SLC2A12: variants seen among roughly 807,000 people sequenced by gnomAD.
SLC2A12 encodes the protein solute carrier family 2 member 12.
In SLC2A12, 23 loss-of-function variants were observed where a neutral mutation model predicts 41.8. That is an observed-to-expected ratio of 0.55 (90% CI 0.40 to 0.78). SLC2A12 has a LOEUF of 0.78. Among genes scored for constraint, SLC2A12 ranks in the 30% least tolerant of loss-of-function variants. The probability of loss-of-function intolerance (pLI) is 0.00; values close to 1 mark genes in which losing one functional copy is unlikely to be tolerated. For missense variants in SLC2A12, 654 were observed against 745.6 expected (o/e 0.88, Z 1.43); for synonymous variants, 295 against 285.9 (o/e 1.03, Z -0.32).
In SLC2A12 at chr6:133,990,824, C is replaced by T. The variant is rs1036953213; in HGVS notation, c.*331G>A. On this transcript the variant is annotated 3_prime_UTR_variant, in exon 5 of 5. Coordinates refer to ENST00000275230, the MANE Select transcript of SLC2A12 (RefSeq NM_145176.3). ...GCCTCCATACATACATAGCTTAAGG[C>T]GGAGGTTGATGTCTTCACTAGGACA... 1.9e-4 allele frequency: 36 copies of T among 189,406 alleles called. No individual in the cohort carries two copies. Among genetic ancestry groups the T allele is most frequent in the African/African-American group, 7.0e-4 (30 of 42,908 alleles). The allele number at this position is 189,406 out of a possible 1,614,324, so 11.7% of individuals were successfully genotyped here.
intron 1 of SLC2A12, among the ~76,000 whole-genome samples, chr6:134,049,646 A>C (rs1447256150): frequency 1.3e-5 from 2 of 150,884 alleles, no homozygotes; most frequent in Non-Finnish European, 1.5e-5. Flanking sequence ...GAACATGTCC[A>C]TGAAAGCTGA....
chr6:134,007,159 G>A (rs1356491583), intron 2 of SLC2A12, among the ~76,000 whole-genome samples: 1 of 152,226 alleles, frequency 6.6e-6, no homozygotes, highest in East Asian at 1.9e-4. Context: ...GCTGGGCCAT[G>A]GTCCCCATGC....
In SLC2A12 at chr6:134,007,170, A is replaced by G. The variant is rs111835168; in HGVS notation, c.1445-236T>C. On this transcript the variant is annotated intron_variant, in intron 2 of 4. Transcript: ENST00000275230. ...GAGAGCTGGGCCATGGTCCCCATGC[A>G]TAGGGTGAGGGGCATGAGGTGCTGG... 7.1e-3 allele frequency among the ~76,000 whole-genome samples: 1,087 copies of G among 152,360 alleles called. 17 individuals carry two copies. Among genetic ancestry groups the G allele is most frequent in the African/African-American group, 0.023 (967 of 41,588 alleles).
chr6:134,038,163 C>T (rs529709565), intron 1 of SLC2A12, among the ~76,000 whole-genome samples: 4 of 152,106 alleles, frequency 2.6e-5, no homozygotes, highest in Middle Eastern at 3.4e-3. Context: ...TTTCCAACCC[C>T]GGGTTTGATT....
At chr6:134,025,721 T>TA (rs897376176) in intron 2 of SLC2A12, among the ~76,000 whole-genome samples, 5 of 152,182 alleles carry the variant, frequency 3.3e-5, no homozygotes. Context: ...GTTTTTTGTA[T>TA]TTTTAGTAGA....
At chr6:134,007,032 C>G in intron 2 of SLC2A12, 98 bp from the exon 3 acceptor site, 1 of 1,528,406 alleles carries the variant, frequency 6.5e-7, no homozygotes, top group Non-Finnish European at 8.8e-7. Context: ...CCTCATCCTG[C>G]CGGGATTTGT....
chr6:134,022,536 AAG>A (rs1320057540), intron 2 of SLC2A12, among the ~76,000 whole-genome samples: 1 of 9,046 alleles, frequency 1.1e-4, no homozygotes, highest in African/African-American at 9.8e-4. Flanking sequence ...CATCTCAAAA[AAG>A]AAAAGAAAAG....
At chr6:134,027,523 A>G (rs1276390470) in intron 2 of SLC2A12, among the ~76,000 whole-genome samples, 3 of 151,910 alleles carry the variant, frequency 2.0e-5, no homozygotes, top group Non-Finnish European at 4.4e-5. Flanking sequence ...GAGAGAGAGG[A>G]ATGGGGTAGG....
chr6:134,024,693 T>G (rs1222294068), intron 2 of SLC2A12, among the ~76,000 whole-genome samples: 2 of 152,328 alleles, frequency 1.3e-5, no homozygotes. Flanking sequence ...TAAATGCATC[T>G]TAATATGCGT....
chr6:134,006,237 A>G (rs895267364), intron 3 of SLC2A12, among the ~76,000 whole-genome samples: 2 of 151,418 alleles, frequency 1.3e-5, no homozygotes, highest in African/African-American at 4.8e-5. Context: ...TGACATGACT[A>G]TAATCAACAA....
At chr6:134,043,813 A>G (rs2114507018) in intron 1 of SLC2A12, among the ~76,000 whole-genome samples, 1 of 151,946 alleles carries the variant, frequency 6.6e-6, no homozygotes, top group South Asian at 2.1e-4. Context: ...AAAAAAGAAA[A>G]GAAATTTTCT....
At chr6:134,029,897 T>C (rs1777178345) in intron 1 of SLC2A12, among the ~76,000 whole-genome samples, 176 bp from the exon 2 acceptor site, 1 of 152,104 alleles carries the variant, frequency 6.6e-6, no homozygotes, top group Non-Finnish European at 1.5e-5. Flanking sequence ...GAAGGAGAAA[T>C]CATTTTTCTT....
chr6:134,028,713 T>C lies in SLC2A12; in HGVS notation c.1112A>G (p.Asn371Ser). 1.9e-6 allele frequency: 3 copies of C among 1,614,126 alleles called. No individual in the cohort carries two copies. Among genetic ancestry groups the C allele is most frequent in the Non-Finnish European group, 2.5e-6 (3 of 1,180,018 alleles). The change falls in exon 2 of 5, where the codon AAC becomes AGC. Residue 371 changes from asparagine (N) to serine (S), a missense_variant. By Grantham distance (46) the Asn-to-Ser change is conservative (BLOSUM62 1). Around this residue, in one of 3 missense-constraint regions of SLC2A12, gnomAD observed 411 missense variants for 412.1 expected, o/e 1.00. Transcript: ENST00000275230. ...GTGGCTTCTGCAGATATGGGTGAAG[T>C]TCATGTGGATGTTGAGATTTACGAT... ...MGIVNLNIHMNFTHICRSHNS... is the reference protein window; with the variant it reads ...MGIVNLNIHMSFTHICRSHNS...
rs1043199920 is a variant in SLC2A12 at position 133,989,661 on chromosome 6, G to C, written c.*1494C>G. ...ATTTTTATACAGATAATACACTGCA[G>C]ATCCAGGCCTTTTAGTCAGTCTCCT... On this transcript the variant is annotated 3_prime_UTR_variant, in exon 5 of 5. Coordinates refer to ENST00000275230, the MANE Select transcript of SLC2A12 (RefSeq NM_145176.3). The C allele has an allele frequency of 1.3e-5, 2 of 152,252 alleles. No individual in the cohort carries two copies. Among genetic ancestry groups the C allele is most frequent in the Non-Finnish European group, 2.9e-5 (2 of 68,004 alleles). The allele number at this position is 152,252 out of a possible 1,614,324, so 9.4% of individuals were successfully genotyped here. A position where few individuals can be genotyped will look rare whatever the true frequency, so the allele number is the denominator to read the frequency against.
chr6:134,001,882 G>A lies in SLC2A12; in HGVS notation c.1700+115C>T, dbSNP rs1016050330. The A allele has an allele frequency of 2.6e-6, 3 of 1,144,000 alleles. No homozygotes were observed. In the Admixed American group the frequency reaches 9.4e-5, roughly 36 times the overall value. 70.9% of individuals were successfully genotyped at this position (1,144,000 alleles called of 1,614,324 possible). A position where few individuals can be genotyped will look rare whatever the true frequency, so the allele number is the denominator to read the frequency against. On this transcript the variant is annotated intron_variant, in intron 4 of 4. Coordinates refer to ENST00000275230, the MANE Select transcript of SLC2A12 (RefSeq NM_145176.3). ...CTGAGACATAGTCTTACGCTAAAGG[G>A]AATGTCCTAATCTAATAATATCTAA...
chr6:134,052,457 C>G lies in SLC2A12; in HGVS notation c.24G>C (p.Glu8Asp), dbSNP rs1468103016. 2 of 1,613,348 alleles carry G rather than the reference C, an allele frequency of 1.2e-6. No homozygotes were observed. The highest frequency in any genetic ancestry group is 1.7e-6 in the Non-Finnish European group (2 of 1,180,022). MVPVENTEGPSLLNQKGT... is the reference protein window; with the variant it reads MVPVENTDGPSLLNQKGT... Reference sequence around the variant, plus strand: ...CCTTCTGGTTCAGCAGACTGGGGCCCTCGGTGTTTTCAACAGGTACCATGG... The same window carrying G: ...CCTTCTGGTTCAGCAGACTGGGGCCGTCGGTGTTTTCAACAGGTACCATGG... The change falls in exon 1 of 5, where the codon GAG becomes GAC. Residue 8 changes from glutamate to aspartate, a missense_variant. Glu to Asp is a conservative substitution (Grantham distance 45, BLOSUM62 2). Around this residue, in one of 3 missense-constraint regions of SLC2A12, gnomAD observed 109 missense variants for 153.0 expected, o/e 0.71. Coordinates refer to ENST00000275230, the MANE Select transcript of SLC2A12 (RefSeq NM_145176.3).
In SLC2A12 at chr6:134,052,446, A is replaced by C; in HGVS notation, c.35T>G (p.Leu12Arg). The change falls in exon 1 of 5, where the codon CTG becomes CGG. Residue 12 changes from leucine (L) to arginine (R), a missense_variant. By Grantham distance (102) the Leu-to-Arg change is moderately radical (BLOSUM62 -2). This residue lies in a region of SLC2A12 where 109 missense variants were observed against 153.0 expected (regional missense o/e 0.71). Coordinates refer to ENST00000275230, the MANE Select transcript of SLC2A12 (RefSeq NM_145176.3). ...CACGGCTGTCCCCTTCTGGTTCAGCAGACTGGGGCCCTCGGTGTTTTCAAC... is the reference window on the plus strand; with the variant it reads ...CACGGCTGTCCCCTTCTGGTTCAGCCGACTGGGGCCCTCGGTGTTTTCAAC... ...VPVENTEGPSLLNQKGTAVET... is the reference protein window; with the variant it reads ...VPVENTEGPSRLNQKGTAVET... 1 of 1,613,562 alleles carries C rather than the reference A, an allele frequency of 6.2e-7. No homozygotes were observed. The highest frequency in any genetic ancestry group is 8.5e-7 in the Non-Finnish European group (1 of 1,180,004).
At chr6:133,995,967 A>G (rs142385563) in intron 4 of SLC2A12, among the ~76,000 whole-genome samples, 208 of 152,214 alleles carry the variant, frequency 1.4e-3, no homozygotes, top group African/African-American at 4.3e-3. Context: ...GCTCTTTATT[A>G]CCCAGGTTTT....
intron 4 of SLC2A12, among the ~76,000 whole-genome samples, chr6:134,000,683 C>T (rs962248532): frequency 6.6e-6 from 1 of 152,146 alleles, no homozygotes; most frequent in Non-Finnish European, 1.5e-5. Flanking sequence ...TCCCCCAGGA[C>T]ATGGTTTTGG....
Sources: allele counts gnomAD v4.1 joint callset (sites outside exome capture counted in the v4.1 genomes callset), GRCh38; gene constraint gnomAD v4.1.1; regional missense constraint gnomAD v4.1.1; transcripts MANE v1.5; gene names NCBI Gene and HGNC (gene_info 2026-07-23, HGNC 2026-07-21).